TCF7L2: variants seen among roughly 807,000 people sequenced by gnomAD.
The protein encoded by TCF7L2 is transcription factor 7 like 2, also known as transcription factor 7-like 2.
In TCF7L2, 23 loss-of-function variants were observed where a neutral mutation model predicts 77.9. The observed-to-expected ratio is 0.30, with a 90% CI of 0.21 to 0.42. The LOEUF (loss-of-function observed/expected upper bound fraction) is 0.42. Ranked by LOEUF, TCF7L2 falls within the 10% of genes least tolerant of loss-of-function variation. The pLI is 1.00. For synonymous variants in TCF7L2, 413 were observed against 340.2 expected (o/e 1.21, Z -2.36); for missense variants, 654 against 793.1 (o/e 0.82, Z 2.11).
chr10:113,062,177 C>T (rs564836682), intron 5 of TCF7L2, among the ~76,000 whole-genome samples: 1 of 152,304 alleles, frequency 6.6e-6, no homozygotes, highest in Non-Finnish European at 1.5e-5. Flanking sequence ...AAGGAAGCCA[C>T]TGAACCAGTC....
At position 113,151,217 on chromosome 10, in the gene TCF7L2, C is replaced by G; in HGVS notation, c.1001+94C>G. 6.4e-7 allele frequency: 1 copy of G among 1,571,778 alleles called. No individual in the cohort carries two copies. Among genetic ancestry groups the G allele is most frequent in the Non-Finnish European group, 8.7e-7 (1 of 1,153,984 alleles). On this transcript the variant is annotated intron_variant, in intron 9 of 13. Transcript: ENST00000627217. The surrounding 1 kb of genome is among the most constrained non-coding windows in gnomAD (Gnocchi z 5.2). ...GTGGTGGCTTTCTGCCTAAGGTTGG[C>G]CTCGTTTGGTTTGACTGCAGCCAAT...
At chr10:112,967,368 T>C (rs548796274) in intron 4 of TCF7L2, among the ~76,000 whole-genome samples, 1 of 152,316 alleles carries the variant, frequency 6.6e-6, no homozygotes, top group East Asian at 1.9e-4. Context: ...ATTAGACTCA[T>C]ACGACTCATA....
chr10:113,109,055 A>G (rs2062780495), intron 5 of TCF7L2, among the ~76,000 whole-genome samples: 1 of 152,220 alleles, frequency 6.6e-6, no homozygotes, highest in Admixed American at 6.5e-5. Flanking sequence ...GACAGTGTGT[A>G]TACACAAACA....
intron 5 of TCF7L2, chr10:113,089,583 T>TA: frequency 3.7e-6 from 6 of 1,602,568 alleles, no homozygotes; most frequent in Non-Finnish European, 5.1e-6. Context: ...GAGCTAGCTC[T>TA]AAAATGAAGC....
At chr10:113,082,282 C>T (rs898568269) in intron 5 of TCF7L2, among the ~76,000 whole-genome samples, 1 of 151,948 alleles carries the variant, frequency 6.6e-6, no homozygotes, top group Non-Finnish European at 1.5e-5. Context: ...AAAGTGTCTC[C>T]TTTATTCAGA....
intron 6 of TCF7L2, among the ~76,000 whole-genome samples, chr10:113,143,155 G>A (rs139533070): frequency 1.4e-3 from 210 of 152,380 alleles, no homozygotes; most frequent in African/African-American, 4.8e-3. Flanking sequence ...TGTGGAACTG[G>A]CAGATGTGCG....
At chr10:113,084,569 A>C (rs1311914402) in intron 5 of TCF7L2, among the ~76,000 whole-genome samples, 1 of 152,126 alleles carries the variant, frequency 6.6e-6, no homozygotes, top group Non-Finnish European at 1.5e-5. Context: ...TGTATAACCA[A>C]ATATCCGGGC....
intron 5 of TCF7L2, among the ~76,000 whole-genome samples, chr10:113,076,621 A>G (rs1048883322): frequency 4.6e-5 from 7 of 152,212 alleles, no homozygotes; most frequent in African/African-American, 9.7e-5. Context: ...CAGAAATTCT[A>G]TGGTTCCTTT....
At chr10:112,985,860 T>TTTTGTGTGTGTGTGTG (rs1554897243) in intron 4 of TCF7L2, among the ~76,000 whole-genome samples, 15 of 146,608 alleles carry the variant, frequency 1.0e-4, no homozygotes, top group Admixed American at 1.0e-3. Context: ...AGCCTGTAGT[T>TTTTGTGTGTGTGTGTG]TGTGTGTGTG....
rs1430505304 is a variant in TCF7L2, at chr10:112,951,721, C to CCCCT, written c.381+126_381+129dup. The CCCCT allele has an allele frequency of 2.3e-5, 10 of 428,474 alleles. No homozygotes were observed. In the East Asian group the frequency reaches 7.1e-4, roughly 30 times the overall value. The allele number at this position is 428,474 out of a possible 1,614,324, so 26.5% of individuals were successfully genotyped here. On this transcript the variant is annotated intron_variant, in intron 3 of 13. Transcript: ENST00000627217. ...CCCCGCCTCCCCCTCCCCGCCTCCT[C>CCCCT]CCCTCCCTCCCTCCCCTCCCCCGCT...
intron 4 of TCF7L2, among the ~76,000 whole-genome samples, chr10:113,003,065 T>C (rs1278650493): frequency 2.0e-5 from 3 of 152,240 alleles, no homozygotes; most frequent in Admixed American, 1.3e-4. Context: ...CAGAGACTTA[T>C]GTAATAACCA....
At chr10:112,979,632 C>G (rs933168830) in intron 4 of TCF7L2, among the ~76,000 whole-genome samples, 1 of 152,070 alleles carries the variant, frequency 6.6e-6, no homozygotes, top group Non-Finnish European at 1.5e-5. Flanking sequence ...GTGGCATGCA[C>G]CTGTAATTCC....
intron 5 of TCF7L2, among the ~76,000 whole-genome samples, chr10:113,104,828 A>G (rs1159369694): frequency 6.6e-6 from 1 of 152,162 alleles, no homozygotes; most frequent in Non-Finnish European, 1.5e-5. Context: ...TCTAAGGCAG[A>G]CAAGACAGTA....
chr10:113,006,529 C>G (rs780588822), intron 4 of TCF7L2, among the ~76,000 whole-genome samples: 2 of 152,136 alleles, frequency 1.3e-5, no homozygotes, highest in African/African-American at 2.4e-5. Context: ...TGAGGTTTTC[C>G]TGTGTTACCT....
At chr10:112,988,020 T>C (rs2041881287) in intron 4 of TCF7L2, among the ~76,000 whole-genome samples, 1 of 147,340 alleles carries the variant, frequency 6.8e-6, no homozygotes, top group Non-Finnish European at 1.5e-5. Flanking sequence ...TACAGCAACA[T>C]ATCCCTGCCC....
intron 5 of TCF7L2, among the ~76,000 whole-genome samples, chr10:113,057,397 C>T (rs2055583575): frequency 6.6e-6 from 1 of 152,294 alleles, no homozygotes; most frequent in East Asian, 1.9e-4. Flanking sequence ...TCTCGAACTC[C>T]TGACCTCAGG....
chr10:112,990,832 A>G lies in TCF7L2; in HGVS notation c.450+26208A>G, dbSNP rs144039556. Among the ~76,000 whole-genome samples the G allele has an allele frequency of 1.8e-3, 278 of 152,328 alleles. 1 individual carries two copies. The highest frequency in any genetic ancestry group is 5.7e-3 in the African/African-American group (237 of 41,566). ...TAATAACGTTTCCGTACTCATCTCA[A>G]TGGGTTTTGAGTGCCAAGACAGACC... On this transcript the variant is annotated intron_variant, in intron 4 of 13. Coordinates refer to ENST00000627217, the MANE Select transcript of TCF7L2 (RefSeq NM_001146274.2).
intron 5 of TCF7L2, among the ~76,000 whole-genome samples, chr10:113,103,858 A>AT (rs2061954814): frequency 6.6e-6 from 1 of 152,182 alleles, no homozygotes; most frequent in South Asian, 2.1e-4. Context: ...AGTTTCCATT[A>AT]TATGGACAGA....
chr10:113,052,391 T>C (rs932418584), intron 5 of TCF7L2, among the ~76,000 whole-genome samples: 2 of 152,198 alleles, frequency 1.3e-5, no homozygotes, highest in Admixed American at 6.5e-5. Context: ...ATTGCTGTTT[T>C]AGGCAGTCAA....
Sources: allele counts gnomAD v4.1 joint callset (sites outside exome capture counted in the v4.1 genomes callset), GRCh38; gene constraint gnomAD v4.1.1; non-coding constraint Gnocchi (gnomAD v3.1); transcripts MANE v1.5; gene names NCBI Gene and HGNC (gene_info 2026-07-23, HGNC 2026-07-21).